Variants in FAM13C observed in about 807,000 individuals in gnomAD.
The protein encoded by FAM13C is family with sequence similarity 13 member C, also known as protein FAM13C.
Under a neutral mutation model 73.2 loss-of-function variants are expected in FAM13C, and 37 were observed. The observed-to-expected ratio is 0.51, with a 90% CI of 0.39 to 0.67. The LOEUF is 0.67. Ranked by LOEUF, FAM13C falls within the 30% of genes least tolerant of loss-of-function variation. The probability of loss-of-function intolerance (pLI) is 0.00; values close to 1 mark genes in which losing one functional copy is unlikely to be tolerated. For missense variants in FAM13C, 589 were observed against 715.6 expected (o/e 0.82, Z 2.02); for synonymous variants, 246 against 260.9 (o/e 0.94, Z 0.55).
At chr10:59,299,328 A>G (rs1269178164) in intron 5 of FAM13C, among the ~76,000 whole-genome samples, 1 of 150,938 alleles carries the variant, frequency 6.6e-6, no homozygotes, top group Non-Finnish European at 1.5e-5. Flanking sequence ...CTTCCTACAG[A>G]GTTAGAAATG....
At chr10:59,263,692 A>G (rs1027959985) in intron 9 of FAM13C, among the ~76,000 whole-genome samples, 7 of 152,196 alleles carry the variant, frequency 4.6e-5, no homozygotes, top group African/African-American at 1.4e-4. Flanking sequence ...CCAGCTATGT[A>G]ACCCTCCCCT....
intron 5 of FAM13C, among the ~76,000 whole-genome samples, chr10:59,294,020 G>A (rs990083163): frequency 1.3e-5 from 2 of 152,172 alleles, no homozygotes; most frequent in African/African-American, 4.8e-5. Flanking sequence ...CACCAAGTGA[G>A]AGCATGTAAG....
rs114158167 is a variant in FAM13C, at chr10:59,358,479, G to A, written c.63-2536C>T. Among the ~76,000 whole-genome samples, 972 of 152,266 alleles carry A rather than the reference G, an allele frequency of 6.4e-3. 9 individuals are homozygous for A. The highest frequency in any genetic ancestry group is 0.022 in the African/African-American group (910 of 41,538). On this transcript the variant is annotated intron_variant, in intron 1 of 13. Transcript: ENST00000618804. ...CATGGAAAACAAATCCCCAAGTACC[G>A]CTTTGTTCCCCTTCATTAGCAGCAT...
At chr10:59,279,058 C>A (rs59658985) in intron 6 of FAM13C, among the ~76,000 whole-genome samples, 1 of 152,170 alleles carries the variant, frequency 6.6e-6, no homozygotes, top group Non-Finnish European at 1.5e-5. Flanking sequence ...ATTTCTAAAT[C>A]GCACCTGCAG....
At chr10:59,322,038 A>G (rs1415145921) in intron 4 of FAM13C, among the ~76,000 whole-genome samples, 2 of 152,252 alleles carry the variant, frequency 1.3e-5, no homozygotes, top group East Asian at 1.9e-4. Flanking sequence ...TGTCTCTATC[A>G]AGATTCTATT....
rs375645044 is a variant in FAM13C at position 59,291,938 on chromosome 10, A to G, written c.508-8491T>C. 4.0e-3 allele frequency among the ~76,000 whole-genome samples: 611 copies of G among 151,686 alleles called. 3 individuals are homozygous for G. The highest frequency in any genetic ancestry group is 8.4e-3 in the African/African-American group (345 of 41,316). On this transcript the variant is annotated intron_variant, in intron 5 of 13. Transcript: ENST00000618804. ...TGAGTAGCTGGGACTACAGGCGCCC[A>G]CCATCACGCCTGGCGAATTTTTTAT...
intron 4 of FAM13C, among the ~76,000 whole-genome samples, chr10:59,310,298 T>C (rs1848768698): frequency 6.6e-6 from 1 of 152,192 alleles, no homozygotes; most frequent in Admixed American, 6.5e-5. Flanking sequence ...TTCCTGAAAC[T>C]CTTTTGAAAA....
chr10:59,284,701 C>T (rs1845348463), intron 5 of FAM13C, among the ~76,000 whole-genome samples: 1 of 151,116 alleles, frequency 6.6e-6, no homozygotes, highest in African/African-American at 2.4e-5. Flanking sequence ...AACCCCCATA[C>T]TCTCATCCCT....
chr10:59,319,046 TTAAG>T (rs986098108), intron 4 of FAM13C, among the ~76,000 whole-genome samples: 19 of 143,678 alleles, frequency 1.3e-4, no homozygotes, highest in African/African-American at 7.8e-5. Flanking sequence ...TGAAAAACAT[TTAAG>T]TAAGAAACAA....
intron 6 of FAM13C, among the ~76,000 whole-genome samples, chr10:59,281,004 T>C (rs1844865184): frequency 6.6e-6 from 1 of 152,238 alleles, no homozygotes; most frequent in South Asian, 2.1e-4. Flanking sequence ...ACGGATTTTG[T>C]CCATGTTATT....
At chr10:59,307,011 A>C (rs1393744177) in intron 4 of FAM13C, among the ~76,000 whole-genome samples, 1 of 152,222 alleles carries the variant, frequency 6.6e-6, no homozygotes, top group Admixed American at 6.5e-5. Context: ...AGATGCGGTA[A>C]TCAAAATTAT....
At chr10:59,268,840 C>T (rs1843379836) in intron 7 of FAM13C, 149 bp from the exon 8 acceptor site, 1 of 884,726 alleles carries the variant, frequency 1.1e-6, no homozygotes, top group Non-Finnish European at 1.7e-6. Context: ...AGCATCTGCT[C>T]ATTAATGGAG....
At chr10:59,342,950 G>A (rs1468901959) in intron 3 of FAM13C, among the ~76,000 whole-genome samples, 1 of 152,218 alleles carries the variant, frequency 6.6e-6, no homozygotes, top group Non-Finnish European at 1.5e-5. Context: ...ATGTGCATTT[G>A]CATATGTATG....
intron 10 of FAM13C, among the ~76,000 whole-genome samples, chr10:59,255,036 C>A (rs1374560851): frequency 6.6e-6 from 1 of 152,138 alleles, no homozygotes; most frequent in Non-Finnish European, 1.5e-5. Flanking sequence ...TCCTTAATTA[C>A]TTCTTCATTC....
rs1840745843 is a variant in FAM13C, at chr10:59,246,786, A to G, written c.*828T>C. The G allele has an allele frequency of 5.1e-6, 2 of 394,012 alleles. No homozygotes were observed. The highest frequency in any genetic ancestry group is 9.0e-6 in the Non-Finnish European group (2 of 223,142). 24.4% of individuals were successfully genotyped at this position (394,012 alleles called of 1,614,324 possible). A position where few individuals can be genotyped will look rare whatever the true frequency, so the allele number is the denominator to read the frequency against. On this transcript the variant is annotated 3_prime_UTR_variant, in exon 14 of 14. Coordinates refer to ENST00000618804, the MANE Select transcript of FAM13C (RefSeq NM_198215.4). Reference sequence around the variant, plus strand: ...AAATGTATATTCCCAATGAAAAAATAGTTATATCATCTTATAGTAAACCAA... The same window carrying G: ...AAATGTATATTCCCAATGAAAAAATGGTTATATCATCTTATAGTAAACCAA...
chr10:59,353,453 G>A (rs1364763940), intron 2 of FAM13C, among the ~76,000 whole-genome samples: 2 of 152,196 alleles, frequency 1.3e-5, no homozygotes, highest in South Asian at 2.1e-4. Flanking sequence ...AGAAGTGGCC[G>A]CTTCCTTCAG....
chr10:59,261,782 T>C (rs1277767423), intron 10 of FAM13C, among the ~76,000 whole-genome samples: 1 of 152,188 alleles, frequency 6.6e-6, no homozygotes, highest in Non-Finnish European at 1.5e-5. Context: ...GAAGCATAGA[T>C]ATGCATGACA....
upstream of FAM13C, chr10:59,362,760 C>T (rs1799697035): frequency 2.2e-6 from 1 of 463,444 alleles, no homozygotes; most frequent in Non-Finnish European, 3.7e-6. Context: ...ACCCCGACCT[C>T]GCCAGCCCAG....
At chr10:59,310,281 C>T (rs905133497) in intron 4 of FAM13C, among the ~76,000 whole-genome samples, 1 of 152,156 alleles carries the variant, frequency 6.6e-6, no homozygotes, top group African/African-American at 2.4e-5. Context: ...GGCTGTATGA[C>T]TGGTGTTTCC....
Sources: allele counts gnomAD v4.1 joint callset (sites outside exome capture counted in the v4.1 genomes callset), GRCh38; gene constraint gnomAD v4.1.1; transcripts MANE v1.5; gene names NCBI Gene and HGNC (gene_info 2026-07-23, HGNC 2026-07-21).